The following ACBD3 variants were observed in gnomAD, a reference collection of about 807,000 sequenced individuals.
ACBD3 encodes acyl-CoA binding domain containing 3, also known as Golgi resident protein GCP60.
ACBD3 carries 30 observed loss-of-function variants against 66.9 expected under a neutral mutation model. The observed-to-expected ratio is 0.45, with a 90% CI of 0.34 to 0.61. The LOEUF is 0.61. ACBD3 is among the 20% of genes least tolerant of loss of function. The pLI, the probability that ACBD3 is intolerant of heterozygous loss-of-function variation, is 0.02. For synonymous variants in ACBD3, 278 were observed against 259.8 expected, an observed-to-expected ratio of 1.07 and a Z score of -0.68; for missense variants, 544 against 664.5, an observed-to-expected ratio of 0.82 and a Z score of 1.99.
chr1:226,170,444 G>A (rs58418279), intron 1 of ACBD3, among the ~76,000 whole-genome samples: 1 of 148,942 alleles, frequency 6.7e-6, no homozygotes, highest in Non-Finnish European at 1.5e-5. Flanking sequence ...AAAGTGCTGA[G>A]ATTACAGACG....
At chr1:226,184,097 A>AGGAGAATGGAGTGAATCCG (rs1656237988) in intron 1 of ACBD3, among the ~76,000 whole-genome samples, 1 of 152,148 alleles carries the variant, frequency 6.6e-6, no homozygotes, top group Admixed American at 6.6e-5. Flanking sequence ...AGGCTGAGGC[A>AGGAGAATGGAGTGAATCCG]GGAGAATGGA....
Position 226,154,749 on chromosome 1 carries a change from T to A in ACBD3, c.988A>T (p.Asn330Tyr). The A allele has an allele frequency of 6.2e-7, 1 of 1,613,982 alleles. No homozygotes were observed. Among genetic ancestry groups the A allele is most frequent in the Non-Finnish European group, 8.5e-7 (1 of 1,179,928 alleles). Residue 330 changes from asparagine to tyrosine, a missense_variant, in exon 6 of 8, where the codon AAT becomes TAT. Coordinates refer to ENST00000366812, the MANE Select transcript of ACBD3 (RefSeq NM_022735.4). Reference protein sequence around the residue: ...SSKVNATVPSNMMSVNGQAKT... With the variant: ...SSKVNATVPSYMMSVNGQAKT... ...GCCTGTCCATTAACTGACATCATATTACTTGGTACAGTTGCATTCACTTTT... is the reference window on the plus strand; with the variant it reads ...GCCTGTCCATTAACTGACATCATATAACTTGGTACAGTTGCATTCACTTTT...
intron 1 of ACBD3, among the ~76,000 whole-genome samples, chr1:226,168,597 T>A (rs1404292109): frequency 6.6e-6 from 1 of 152,216 alleles, no homozygotes; most frequent in Non-Finnish European, 1.5e-5. Context: ...AAGATTATTA[T>A]AATGGAGCTG....
chr1:226,184,767 G>C (rs1413197856), intron 1 of ACBD3, among the ~76,000 whole-genome samples: 1 of 151,402 alleles, frequency 6.6e-6, no homozygotes, highest in Non-Finnish European at 1.5e-5. Flanking sequence ...GCATGATCTC[G>C]GCTCACTGCA....
At chr1:226,163,895 T>A (rs1659818131) in intron 3 of ACBD3, among the ~76,000 whole-genome samples, 1 of 151,522 alleles carries the variant, frequency 6.6e-6, no homozygotes, top group Admixed American at 6.6e-5. Context: ...ACCAGGCGGG[T>A]GGATCACCTG....
chr1:226,156,565 T>TA (rs1659674532), intron 5 of ACBD3, among the ~76,000 whole-genome samples: 1 of 151,816 alleles, frequency 6.6e-6, no homozygotes, highest in Admixed American at 6.6e-5. Flanking sequence ...TCCCATGGGG[T>TA]AGGGATAATG....
At chr1:226,173,757 C>CTTTTTTTT (rs145462202) in intron 1 of ACBD3, among the ~76,000 whole-genome samples, 25 of 88,306 alleles carry the variant, frequency 2.8e-4, no homozygotes, top group African/African-American at 5.1e-4. Flanking sequence ...TTTTTCTTTT[C>CTTTTTTTT]TTTTTTTTTT....
intron 1 of ACBD3, among the ~76,000 whole-genome samples, chr1:226,166,963 AT>A (rs1189570210): frequency 1.3e-5 from 2 of 151,760 alleles, no homozygotes; most frequent in Non-Finnish European, 2.9e-5. Context: ...CATCTGGTTA[AT>A]TTTTTACTTT....
At chr1:226,180,312 A>C (rs1015503135) in intron 1 of ACBD3, among the ~76,000 whole-genome samples, 20 of 152,302 alleles carry the variant, frequency 1.3e-4, no homozygotes, top group African/African-American at 4.8e-4. Flanking sequence ...AAACATCCAT[A>C]ATCAATTCTC....
At position 226,144,864 on chromosome 1, in the gene ACBD3, TA is replaced by T. The variant is rs1013024691; in HGVS notation, c.*1745del. 1.0e-4 allele frequency: 16 copies of T among 152,776 alleles called. No individual in the cohort carries two copies. Among genetic ancestry groups the T allele is most frequent in the Admixed American group, 9.2e-4 (14 of 15,300 alleles). 9.5% of individuals were successfully genotyped at this position (152,776 alleles called of 1,614,324 possible). A position where few individuals can be genotyped will look rare whatever the true frequency, so the allele number is the denominator to read the frequency against. On this transcript the variant is annotated 3_prime_UTR_variant, in exon 8 of 8. Coordinates refer to ENST00000366812, the MANE Select transcript of ACBD3 (RefSeq NM_022735.4). ...CATACACTGCTCCCAAGAACAATGA[TA>T]TTTTTAGGAGATAATTCATCTTAAC...
chr1:226,185,065 T>C lies in ACBD3; in HGVS notation c.286+1325A>G, dbSNP rs3008182. Among the ~76,000 whole-genome samples, 1,384 of 152,248 alleles carry C rather than the reference T, an allele frequency of 9.1e-3. 8 individuals are homozygous for C. The highest frequency in any genetic ancestry group is 0.024 in the Middle Eastern group (7 of 294). On this transcript the variant is annotated intron_variant, in intron 1 of 7. Transcript: ENST00000366812. The stretch of plus-strand genomic sequence containing the variant: ...AAAAATTTAAGATGGAATGTAGCTA[T>C]ATGAATTGTACAGAAACCACCTGAT...
intron 7 of ACBD3, among the ~76,000 whole-genome samples, chr1:226,147,337 C>A (rs1477335847): frequency 6.6e-6 from 1 of 152,226 alleles, no homozygotes; most frequent in Non-Finnish European, 1.5e-5. Context: ...ACACCAAACC[C>A]TGTTCTGAGC....
chr1:226,156,054 G>A (rs1392119656), intron 5 of ACBD3, among the ~76,000 whole-genome samples: 1 of 152,156 alleles, frequency 6.6e-6, no homozygotes, highest in Non-Finnish European at 1.5e-5. Flanking sequence ...CAACATACAT[G>A]TAGAAAGTGT....
intron 1 of ACBD3, among the ~76,000 whole-genome samples, chr1:226,183,990 G>C (rs917175755): frequency 1.3e-5 from 2 of 150,650 alleles, no homozygotes; most frequent in East Asian, 2.0e-4. Flanking sequence ...AGGAAATCGA[G>C]ACCATCCTGG....
chr1:226,163,687 CCT>C (rs766538172), intron 3 of ACBD3, among the ~76,000 whole-genome samples: 10 of 152,088 alleles, frequency 6.6e-5, no homozygotes, highest in Non-Finnish European at 1.2e-4. Flanking sequence ...TTAAATGACC[CCT>C]GACTGCCATG....
chr1:226,179,059 C>T (rs1270808285), intron 1 of ACBD3, among the ~76,000 whole-genome samples: 1 of 152,190 alleles, frequency 6.6e-6, no homozygotes, highest in African/African-American at 2.4e-5. Flanking sequence ...GCTACACATT[C>T]CCAGCTTAGT....
intron 1 of ACBD3, among the ~76,000 whole-genome samples, chr1:226,177,776 C>G (rs921548480): frequency 6.6e-6 from 1 of 150,840 alleles, no homozygotes; most frequent in African/African-American, 2.4e-5. Flanking sequence ...CAGGGTCTTG[C>G]TCTGTAGCCC....
At chr1:226,151,113 T>G (rs1659564613) in intron 7 of ACBD3, among the ~76,000 whole-genome samples, 1 of 152,260 alleles carries the variant, frequency 6.6e-6, no homozygotes, top group African/African-American at 2.4e-5. Flanking sequence ...TGGACAACTC[T>G]GTACTTCACA....
intron 1 of ACBD3, among the ~76,000 whole-genome samples, chr1:226,177,746 T>C (rs2102789675): frequency 6.7e-6 from 1 of 150,234 alleles, no homozygotes; most frequent in Middle Eastern, 3.4e-3. Context: ...TTTGAGCCAC[T>C]ATTTTTTTTT....
Sources: allele counts gnomAD v4.1 joint callset (sites outside exome capture counted in the v4.1 genomes callset), GRCh38; gene constraint gnomAD v4.1.1; transcripts MANE v1.5; gene names NCBI Gene and HGNC (gene_info 2026-07-23, HGNC 2026-07-21).